ZNF676: variants seen among roughly 807,000 people sequenced by gnomAD.
ZNF676 encodes the protein zinc finger protein 676.
A neutral mutation model predicts 6.0 loss-of-function variants in ZNF676; 4 were observed. The observed-to-expected ratio is 0.67, with a 90% CI of 0.33 to 1.53. The LOEUF (loss-of-function observed/expected upper bound fraction) is 1.53, where lower values mean the gene tolerates loss of function less well. Among genes scored for constraint, ZNF676 ranks in the 40% most tolerant of loss-of-function variants. The probability of loss-of-function intolerance (pLI) is 0.06; values close to 1 mark genes in which losing one functional copy is unlikely to be tolerated. For synonymous variants in ZNF676, 198 were observed against 223.1 expected, an observed-to-expected ratio of 0.89 and a Z score of 1.00; for missense variants, 644 against 679.7, an observed-to-expected ratio of 0.95 and a Z score of 0.58.
At chr19:22,215,725 A>T in exon 1 of ZNF676, 1 of 1,518,034 alleles carries the variant, frequency 6.6e-7, no homozygotes, top group African/African-American at 1.4e-5. Context: ...CTCTAGGAAC[A>T]GTAAGGACAA....
upstream of ZNF676, among the ~76,000 whole-genome samples, chr19:22,198,158 T>C (rs1487376053): frequency 6.6e-6 from 1 of 152,202 alleles, no homozygotes; most frequent in African/African-American, 2.4e-5. Flanking sequence ...CAACATTACA[T>C]GTTCTCTGTC....
At chr19:22,193,444 G>A (rs8105545) in intron 1 of ZNF676, among the ~76,000 whole-genome samples, 9 of 151,848 alleles carry the variant, frequency 5.9e-5, no homozygotes, top group Non-Finnish European at 7.4e-5. Context: ...GGTCTTAAAG[G>A]AGACCCTTCT....
chr19:22,195,465 G>C (rs1034706683), intron 1 of ZNF676, among the ~76,000 whole-genome samples: 11 of 152,252 alleles, frequency 7.2e-5, no homozygotes, highest in African/African-American at 2.6e-4. Context: ...AGACCCTTAG[G>C]CATGATAATT....
the ZNF676 span, among the ~76,000 whole-genome samples, chr19:22,240,997 C>T: frequency 8.1e-3 from 1,225 of 152,000 alleles, 41 homozygotes; most frequent in African/African-American, 0.028. Context: ...GTCAAAATAG[C>T]CAATGTGGTC....
At chr19:22,217,548 G>A (rs557824501), upstream of ZNF676, among the ~76,000 whole-genome samples, 10 of 150,560 alleles carry the variant, frequency 6.6e-5, no homozygotes, top group East Asian at 2.0e-4. Context: ...CTTAGCTCCC[G>A]TTTATAAGTG....
intron 2 of ZNF676, among the ~76,000 whole-genome samples, chr19:22,191,795 T>G (rs2023910544): frequency 6.6e-6 from 1 of 152,170 alleles, no homozygotes; most frequent in African/African-American, 2.4e-5. Flanking sequence ...ACAACCCCAC[T>G]CTACTACAAA....
At chr19:22,227,560 A>G in the ZNF676 span, among the ~76,000 whole-genome samples, 1 of 152,154 alleles carries the variant, frequency 6.6e-6, no homozygotes, top group Non-Finnish European at 1.5e-5. Flanking sequence ...CAAAAAATTA[A>G]TGATTCCAGG....
chr19:22,192,880 T>G, intron 2 of ZNF676, 136 bp downstream of exon 2: 1 of 985,348 alleles, frequency 1.0e-6, no homozygotes, highest in South Asian at 2.2e-5. Flanking sequence ...TGAGAGAAAA[T>G]TAAAAAATAA....
At chr19:22,220,329 T>C (rs1400621133), upstream of ZNF676, among the ~76,000 whole-genome samples, 1 of 152,162 alleles carries the variant, frequency 6.6e-6, no homozygotes, top group Admixed American at 6.5e-5. Flanking sequence ...ACTGGCTTCA[T>C]AGAATAATTT....
intron 1 of ZNF676, among the ~76,000 whole-genome samples, chr19:22,211,004 T>C (rs2024124234): frequency 6.6e-6 from 1 of 151,904 alleles, no homozygotes; most frequent in Non-Finnish European, 1.5e-5. Context: ...TTGTTTTCTC[T>C]AGGAAAAAAA....
the ZNF676 span, among the ~76,000 whole-genome samples, chr19:22,253,402 G>GTATATA: frequency 9.4e-5 from 10 of 106,340 alleles, no homozygotes; most frequent in African/African-American, 2.4e-4. Flanking sequence ...ATATGATAAT[G>GTATATA]TGTATATATA....
chr19:22,242,421 G>C, the ZNF676 span, among the ~76,000 whole-genome samples: 1 of 151,920 alleles, frequency 6.6e-6, no homozygotes, highest in Non-Finnish European at 1.5e-5. Flanking sequence ...CAAAGTGGAG[G>C]CTAAAAACAA....
chr19:22,192,986 T>C (rs777885659), intron 2 of ZNF676, 30 bp downstream of exon 2: 102 of 1,583,724 alleles, frequency 6.4e-5, no homozygotes, highest in Non-Finnish European at 1.5e-5. Context: ...GGACTTCTCA[T>C]TCATGTTGTC....
upstream of ZNF676, among the ~76,000 whole-genome samples, chr19:22,219,897 T>C (rs1260044004): frequency 6.6e-6 from 1 of 151,672 alleles, no homozygotes; most frequent in African/African-American, 2.4e-5. Flanking sequence ...TCAAGTGATC[T>C]GCCCACCTCA....
the ZNF676 span, among the ~76,000 whole-genome samples, chr19:22,235,668 T>C: frequency 6.6e-6 from 1 of 152,172 alleles, no homozygotes; most frequent in Non-Finnish European, 1.5e-5. Context: ...CTCACTGGAT[T>C]CGATCAGCAT....
rs1412081920 is a variant in ZNF676 at position 22,205,324 on chromosome 19, A to G, written c.4-8598T>C. Among the ~76,000 whole-genome samples the G allele has an allele frequency of 4.6e-5, 7 of 152,142 alleles. No individual in the cohort carries two copies. In the South Asian group the frequency reaches 1.4e-3, roughly 31 times the overall value. ...AAATAGTCCTAATAGACATCTACAG[A>G]ACTCTTCATCTAAAAAATACCATAA... On this transcript the variant is annotated intron_variant, in intron 1 of 3. Coordinates refer to the ZNF676 transcript ENST00000650058.
chr19:22,196,771 G>A lies in ZNF676; in HGVS notation c.-138C>T. 1.3e-6 allele frequency: 2 copies of A among 1,523,260 alleles called. No homozygotes were observed. Among genetic ancestry groups the A allele is most frequent in the African/African-American group, 1.4e-5 (1 of 72,540 alleles). 94.4% of individuals were successfully genotyped at this position (1,523,260 alleles called of 1,614,324 possible). On this transcript the variant is annotated 5_prime_UTR_variant, in exon 1 of 3. Transcript: ENST00000397121. ...ACATATATTTACCAATTGGTCATGG[G>A]CAGAACTTTTAATGTGACTCAAGGT...
chr19:22,237,247 C>T, the ZNF676 span, among the ~76,000 whole-genome samples: 1 of 152,150 alleles, frequency 6.6e-6, no homozygotes, highest in African/African-American at 2.4e-5. Flanking sequence ...TCTTTTAATC[C>T]ATATTTCAGC....
the ZNF676 span, among the ~76,000 whole-genome samples, chr19:22,230,891 C>T: frequency 6.6e-6 from 1 of 151,660 alleles, no homozygotes; most frequent in Non-Finnish European, 1.5e-5. Flanking sequence ...AACTCCTAAC[C>T]TCCTGATCTG....
Sources: gnomAD v4.1 joint callset for allele counts (sites outside exome capture counted in the v4.1 genomes callset) on GRCh38, gnomAD v4.1.1 for gene constraint, MANE v1.5 for transcripts, NCBI Gene and HGNC (gene_info 2026-07-23, HGNC 2026-07-21) for gene names.